ZNF8: variants seen among roughly 807,000 people sequenced by gnomAD.
ZNF8 encodes the protein zinc finger protein 8.
Under a neutral mutation model 12.2 loss-of-function variants are expected in ZNF8, and 9 were observed. The ratio of observed to expected loss-of-function variants is 0.73; its 90% CI spans 0.44 to 1.28. The LOEUF (loss-of-function observed/expected upper bound fraction) is 1.28. Ranked by LOEUF, ZNF8 falls within the 50% of genes most tolerant of loss-of-function variation. ZNF8 has a pLI of 0.00. For synonymous variants in ZNF8, 274 were observed against 282.3 expected, an observed-to-expected ratio of 0.97 and a Z score of 0.30; for missense variants, 664 against 729.1, an observed-to-expected ratio of 0.91 and a Z score of 1.03.
rs754296611 is a variant in ZNF8, at chr19:58,295,015, G to A, written c.1207G>A (p.Gly403Arg). Residue 403 changes from glycine to arginine, a missense_variant, in exon 4 of 4, where the codon GGG (glycine) becomes AGG (arginine). Physicochemically the swap from Gly to Arg is moderately radical, Grantham distance 125 (BLOSUM62 -2). Around this residue, in one of 3 missense-constraint regions of ZNF8, gnomAD observed 133 missense variants for 198.4 expected, o/e 0.67. Transcript: ENST00000621650. The stretch of plus-strand genomic sequence containing the variant: ...GAGGCCCTACGAGTGTAACCACTGC[G>A]GGAAGGGCTTCAGGCACAGCTCATC... ...EERPYECNHCGKGFRHSSSLA... is the reference protein window; with the variant it reads ...EERPYECNHCRKGFRHSSSLA... 15 of 1,613,952 alleles carry A rather than the reference G, an allele frequency of 9.3e-6. No homozygotes were observed. Among genetic ancestry groups the A allele is most frequent in the East Asian group, 4.5e-5 (2 of 44,892 alleles).
At position 58,279,136 on chromosome 19, in the gene ZNF8, G is replaced by A. The variant is rs2147951554; in HGVS notation, c.55G>A (p.Ala19Thr). 6.4e-7 allele frequency: 1 copy of A among 1,560,788 alleles called. No individual in the cohort carries two copies. The highest frequency in any genetic ancestry group is 2.4e-5 in the East Asian group (1 of 41,820). ...AGVMSVGPPA[A>T]RLQEPVTFRD... ...AGTGATGTCTGTGGGGCCGCCGGCG[G>A]CCCGGCTTCAGGTAACAATAACAAC... Residue 19 changes from alanine to threonine, a missense_variant, in exon 1 of 4, where the codon GCC becomes ACC. By Grantham distance (58) the Ala-to-Thr change is moderately conservative. Around this residue, in one of 3 missense-constraint regions of ZNF8, gnomAD observed 306 missense variants for 308.7 expected, o/e 0.99. Transcript: ENST00000621650.
At chr19:58,292,948 CAGTT>C (rs1191686667) in intron 3 of ZNF8, among the ~76,000 whole-genome samples, 2 of 148,958 alleles carry the variant, frequency 1.3e-5, no homozygotes, top group African/African-American at 5.0e-5. Context: ...TGTAGAGAGT[CAGTT>C]TTTTTTTTTT....
chr19:58,301,296 C>T lies in ZNF8; in HGVS notation c.*5760C>T, dbSNP rs2051490367. On this transcript the variant is annotated 3_prime_UTR_variant, in exon 4 of 4. Transcript: ENST00000621650. Reference sequence around the variant, plus strand: ...TTCTTGACCTCTCCCCTTCCCCACTCCATGGAGTTAGAGGTCCTGTTGATT... The same window carrying T: ...TTCTTGACCTCTCCCCTTCCCCACTTCATGGAGTTAGAGGTCCTGTTGATT... The T allele has an allele frequency of 6.6e-6, 1 of 152,222 alleles. No individual in the cohort carries two copies. The highest frequency in any genetic ancestry group is 1.5e-5 in the Non-Finnish European group (1 of 68,058). The allele number at this position is 152,222 out of a possible 1,614,324, so 9.4% of individuals were successfully genotyped here.
rs2051493259 is a variant in ZNF8 at position 58,301,859 on chromosome 19, A to C, written c.*6323A>C. ...AATACATAAACCCTTTGTCTCACCA[A>C]ACCTGCTGGGAATGAATCCTACATA... is the stretch of plus-strand genomic sequence containing the variant. On this transcript the variant is annotated 3_prime_UTR_variant, in exon 4 of 4. Transcript: ENST00000621650. 1 of 152,212 alleles carries C rather than the reference A, an allele frequency of 6.6e-6. No homozygotes were observed. The highest frequency in any genetic ancestry group is 6.5e-5 in the Admixed American group (1 of 15,286). 9.4% of individuals were successfully genotyped at this position (152,212 alleles called of 1,614,324 possible).
At chr19:58,287,319 G>T (rs11669373) in intron 3 of ZNF8, among the ~76,000 whole-genome samples, 44,908 of 145,630 alleles carry the variant, frequency 0.31, 8,043 homozygotes, top group Middle Eastern at 0.47. Context: ...GACTACAGGC[G>T]TGAGCCACCA....
chr19:58,279,668 G>A, intron 1 of ZNF8: 1 of 1,533,104 alleles, frequency 6.5e-7, no homozygotes. Flanking sequence ...ACCACGCACT[G>A]AGTGTGATGA....
rs896502208 is a variant in ZNF8, at chr19:58,294,616, G to A, written c.808G>A (p.Ala270Thr). 6.2e-6 allele frequency: 10 copies of A among 1,613,920 alleles called. No homozygotes were observed. The highest frequency in any genetic ancestry group is 1.6e-4 in the Middle Eastern group (1 of 6,084). The change falls in exon 4 of 4, where the codon GCA becomes ACA. Residue 270 changes from alanine to threonine, a missense_variant. By Grantham distance (58) the Ala-to-Thr change is moderately conservative. Around this residue, in one of 3 missense-constraint regions of ZNF8, gnomAD observed 133 missense variants for 198.4 expected, o/e 0.67. Transcript: ENST00000621650. This position sits in a 1 kb window ranked among gnomAD's most constrained non-coding sequence, Gnocchi z 5.5. Reference sequence around the variant, plus strand: ...CTGTGGGAAGTCGTTTAACCATAACGCACACCTCACCGTGCACAAGAGGAT... The same window carrying A: ...CTGTGGGAAGTCGTTTAACCATAACACACACCTCACCGTGCACAAGAGGAT... ...TDCGKSFNHN[A>T]HLTVHKRIHT... is the part of the protein sequence containing the mutation.
intron 1 of ZNF8, among the ~76,000 whole-genome samples, chr19:58,281,488 G>A (rs2051350264): frequency 6.6e-6 from 1 of 152,190 alleles, no homozygotes; most frequent in Non-Finnish European, 1.5e-5. Flanking sequence ...GAGGAGGCAT[G>A]AAGGACTTGT....
chr19:58,283,787 GAC>G, intron 1 of ZNF8, among the ~76,000 whole-genome samples: 1 of 151,632 alleles, frequency 6.6e-6, no homozygotes, highest in South Asian at 2.1e-4. Context: ...TTTTAGTAGA[GAC>G]AGGGTTTCAT....
At chr19:58,279,971 A>G in intron 1 of ZNF8, 1 of 847,444 alleles carries the variant, frequency 1.2e-6, no homozygotes, top group Non-Finnish European at 1.6e-6. Flanking sequence ...CTTAGGTTGC[A>G]GGTTTTCAGA....
At position 58,294,052 on chromosome 19, in the gene ZNF8, C is replaced by T. The variant is rs527245943; in HGVS notation, c.290-46C>T. ...TGGTGTTGGAGGCCTGTCCCCCTTCCGTTTTTTTCTCCCAACAGCTCAGAG... is the reference window on the plus strand; with the variant it reads ...TGGTGTTGGAGGCCTGTCCCCCTTCTGTTTTTTTCTCCCAACAGCTCAGAG... On this transcript the variant is annotated intron_variant, in intron 3 of 3. Transcript: ENST00000621650. The surrounding 1 kb of genome is among the most constrained non-coding windows in gnomAD (Gnocchi z 5.5). 10 of 1,536,058 alleles carry T rather than the reference C, an allele frequency of 6.5e-6. No individual in the cohort carries two copies. Among genetic ancestry groups the T allele is most frequent in the East Asian group, 4.5e-5 (2 of 44,132 alleles).
In ZNF8 at chr19:58,295,266, G is replaced by C. The variant is rs1197522104; in HGVS notation, c.1458G>C (p.Gln486His). ...FIQSSHLIRH[Q>H]ITHTREEQPH... ...AGAGCTCTCACCTCATCCGGCACCA[G>C]ATAACTCACACCAGAGAGGAGCAGC... The change falls in exon 4 of 4, where the codon CAG (glutamine) becomes CAC (histidine). Residue 486 changes from glutamine (Q) to histidine (H), a missense_variant. Gln to His is a conservative substitution (Grantham distance 24). This residue lies in a region of ZNF8 where 225 missense variants were observed against 222.0 expected (regional missense o/e 1.01). Transcript: ENST00000621650. 2 of 1,614,234 alleles carry C rather than the reference G, an allele frequency of 1.2e-6. No individual in the cohort carries two copies. Among genetic ancestry groups the C allele is most frequent in the East Asian group, 4.5e-5 (2 of 44,884 alleles).
chr19:58,295,730 T>A lies in ZNF8; in HGVS notation c.*194T>A, dbSNP rs938245405. 3.6e-6 allele frequency: 2 copies of A among 560,600 alleles called. No individual in the cohort carries two copies. Among genetic ancestry groups the A allele is most frequent in the Non-Finnish European group, 6.2e-6 (2 of 321,302 alleles). 34.7% of individuals were successfully genotyped at this position (560,600 alleles called of 1,614,324 possible). A position where few individuals can be genotyped will look rare whatever the true frequency, so the allele number is the denominator to read the frequency against. On this transcript the variant is annotated 3_prime_UTR_variant, in exon 4 of 4. Coordinates refer to ENST00000621650, the MANE Select transcript of ZNF8 (RefSeq NM_021089.3). ...AAACTCAGTGCCCTCTTTAGCGACA[T>A]ATTTTGTGACATTCCTTCCATTACA... is the stretch of plus-strand genomic sequence containing the variant.
At position 58,279,159 on chromosome 19, in the gene ZNF8, A is replaced by G. The variant is rs1366803021; in HGVS notation, c.66+12A>G. ...CGGCCCGGCTTCAGGTAACAATAAC[A>G]ACAATAACGACGGCGGCGGGCTCCG... On this transcript the variant is annotated intron_variant, in intron 1 of 3. Transcript: ENST00000621650. 6 of 1,558,570 alleles carry G rather than the reference A, an allele frequency of 3.8e-6. No individual in the cohort carries two copies. In the African/African-American group the frequency reaches 4.1e-5, roughly 11 times the overall value.
chr19:58,284,225 G>A (rs1419650576), intron 1 of ZNF8, among the ~76,000 whole-genome samples: 7 of 139,122 alleles, frequency 5.0e-5, no homozygotes, highest in East Asian at 2.0e-4. Flanking sequence ...CTCCCATCTC[G>A]AGAAAAAAAA....
chr19:58,285,836 C>T lies in ZNF8; in HGVS notation c.186C>T (p.Leu62=). ...TGCTGGAGACCTTTGGTCACCTGCT[C>T]TCCATAGGTAAGCCCTGCTTCGCAA... ...DVMLETFGHL[L]SIGPELPKPE... The change falls in exon 2 of 4, where the codon CTC becomes CTT. Residue 62 remains leucine (L), a synonymous_variant. Transcript: ENST00000621650. The T allele has an allele frequency of 6.2e-7, 1 of 1,611,296 alleles. No homozygotes were observed. The highest frequency in any genetic ancestry group is 1.1e-5 in the South Asian group (1 of 90,692).
Position 58,294,796 on chromosome 19 carries a change from G to A in ZNF8, c.988G>A (p.Val330Ile), listed in dbSNP as rs201232015. ...TTTCTGCCATAGTACACACCTTACCGTCCATCGGAGGATTCACACTGGGGA... is the reference window on the plus strand; with the variant it reads ...TTTCTGCCATAGTACACACCTTACCATCCATCGGAGGATTCACACTGGGGA... ...KSFCHSTHLT[V>I]HRRIHTGEKP... The change falls in exon 4 of 4, where the codon GTC (valine) becomes ATC (isoleucine). Residue 330 changes from valine to isoleucine, a missense_variant. By Grantham distance (29) the Val-to-Ile change is conservative. Transcript: ENST00000621650. The surrounding 1 kb of genome is among the most constrained non-coding windows in gnomAD (Gnocchi z 5.5). 24 of 1,613,980 alleles carry A rather than the reference G, an allele frequency of 1.5e-5. No homozygotes were observed. Among genetic ancestry groups the A allele is most frequent in the Non-Finnish European group, 1.7e-5 (20 of 1,180,046 alleles).
chr19:58,295,389 A>C lies in ZNF8; in HGVS notation c.1581A>C (p.Gly527=), dbSNP rs2051447911. 8.7e-6 allele frequency: 14 copies of C among 1,614,038 alleles called. No homozygotes were observed. The highest frequency in any genetic ancestry group is 1.3e-5 in the African/African-American group (1 of 74,932). ...HPNSRKSSAG[G]AKAGQPESRA... is the part of the protein sequence containing the mutation. ...ACTCCAGAAAGAGCTCTGCAGGCGGAGCAAAGGCAGGGCAGCCGGAAAGCA... is the reference window on the plus strand; with the variant it reads ...ACTCCAGAAAGAGCTCTGCAGGCGGCGCAAAGGCAGGGCAGCCGGAAAGCA... Residue 527 remains glycine, a synonymous_variant, in exon 4 of 4, where the codon GGA becomes GGC. Transcript: ENST00000621650.
In ZNF8 at chr19:58,302,143, T is replaced by C. The variant is rs1471414864; in HGVS notation, c.*6607T>C. The C allele has an allele frequency of 6.6e-6, 1 of 152,220 alleles. No homozygotes were observed. Among genetic ancestry groups the C allele is most frequent in the Non-Finnish European group, 1.5e-5 (1 of 68,028 alleles). 9.4% of individuals were successfully genotyped at this position (152,220 alleles called of 1,614,324 possible). ...TTCAGTTCACATTTTCTAAGCATGATATTCCTACTGATTTCCTTGTAGATA... is the reference window on the plus strand; with the variant it reads ...TTCAGTTCACATTTTCTAAGCATGACATTCCTACTGATTTCCTTGTAGATA... On this transcript the variant is annotated 3_prime_UTR_variant, in exon 4 of 4. Coordinates refer to ENST00000621650, the MANE Select transcript of ZNF8 (RefSeq NM_021089.3).
Sources: allele counts gnomAD v4.1 joint callset (sites outside exome capture counted in the v4.1 genomes callset), GRCh38; gene constraint gnomAD v4.1.1; regional missense constraint gnomAD v4.1.1; non-coding constraint Gnocchi (gnomAD v3.1); transcripts MANE v1.5; gene names NCBI Gene and HGNC (gene_info 2026-07-23, HGNC 2026-07-21).